Variants in TF observed in about 807,000 individuals in gnomAD.
The protein encoded by TF is serotransferrin.
A neutral mutation model predicts 82.4 loss-of-function variants in TF; 55 were observed. That is an observed-to-expected ratio of 0.67 (90% CI 0.54 to 0.84). The LOEUF is 0.84. TF is among the 40% of genes least tolerant of loss of function. The pLI is 0.00. For synonymous variants in TF, 332 were observed against 332.6 expected (o/e 1.00, Z 0.02); for missense variants, 737 against 868.4 (o/e 0.85, Z 1.90).
At chr3:133,691,482 C>A in the TF span, among the ~76,000 whole-genome samples, 1 of 152,088 alleles carries the variant, frequency 6.6e-6, no homozygotes, top group South Asian at 2.1e-4. Context: ...GAGTTTGTCA[C>A]GTGGTTGATA....
the TF span, among the ~76,000 whole-genome samples, chr3:133,683,005 G>A: frequency 4.6e-5 from 7 of 152,316 alleles, no homozygotes; most frequent in South Asian, 8.3e-4. Flanking sequence ...AGCTGATCTC[G>A]CGGCAGAAAC....
the TF span, among the ~76,000 whole-genome samples, chr3:133,729,735 C>T: frequency 6.6e-6 from 1 of 152,200 alleles, no homozygotes; most frequent in African/African-American, 2.4e-5. Flanking sequence ...ATGCAGAAAT[C>T]ACCCGTCTTC....
the TF span, among the ~76,000 whole-genome samples, chr3:133,728,508 C>A: frequency 1.3e-5 from 2 of 152,144 alleles, no homozygotes; most frequent in South Asian, 4.1e-4. Context: ...GCTCCATCAG[C>A]TCCTTTAAGC....
the TF span, among the ~76,000 whole-genome samples, chr3:133,672,112 T>C: frequency 6.6e-6 from 1 of 152,176 alleles, no homozygotes; most frequent in Non-Finnish European, 1.5e-5. Flanking sequence ...ATTTGAAAAT[T>C]AGATAAAATG....
chr3:133,710,165 T>C, the TF span: 3 of 152,626 alleles, frequency 2.0e-5, no homozygotes, highest in African/African-American at 7.2e-5. Context: ...CAGGGTGGTA[T>C]GGCCGTAGAC....
the TF span, among the ~76,000 whole-genome samples, chr3:133,704,804 G>A: frequency 1.3e-5 from 2 of 152,218 alleles, no homozygotes; most frequent in Non-Finnish European, 2.9e-5. Context: ...GGGGCTGCAA[G>A]GTCATGTTCT....
chr3:133,703,096 A>G, the TF span, among the ~76,000 whole-genome samples: 1 of 152,176 alleles, frequency 6.6e-6, no homozygotes, highest in East Asian at 1.9e-4. Flanking sequence ...CTCAGTGTTT[A>G]TATTTGAGTT....
chr3:133,700,437 G>A, the TF span, among the ~76,000 whole-genome samples: 2 of 152,240 alleles, frequency 1.3e-5, no homozygotes, highest in Admixed American at 6.5e-5. Context: ...ACCGTTTGGT[G>A]TCCCACAGCT....
chr3:133,720,500 G>A, the TF span, among the ~76,000 whole-genome samples: 1 of 152,094 alleles, frequency 6.6e-6, no homozygotes, highest in Non-Finnish European at 1.5e-5. Context: ...GCATTTACTA[G>A]TATCTTCTTG....
At chr3:133,727,853 G>T in the TF span, among the ~76,000 whole-genome samples, 1 of 139,886 alleles carries the variant, frequency 7.1e-6, no homozygotes, top group Admixed American at 7.4e-5. Context: ...CAGGCCTGTG[G>T]TGACAAAATC....
the TF span, among the ~76,000 whole-genome samples, chr3:133,718,487 C>T: frequency 2.0e-5 from 3 of 152,110 alleles, no homozygotes; most frequent in African/African-American, 7.2e-5. Context: ...AGCAGGAGCA[C>T]AGGTCAGTGT....
At chr3:133,685,773 C>T in the TF span, among the ~76,000 whole-genome samples, 224 of 152,226 alleles carry the variant, frequency 1.5e-3, no homozygotes, top group Non-Finnish European at 2.6e-3. Context: ...GGCCATACTG[C>T]CCAAGGTAAT....
the TF span, chr3:133,699,550 T>C: frequency 1.3e-6 from 1 of 789,986 alleles, no homozygotes. Context: ...GCCTGGGTCC[T>C]TTCTCATACT....
chr3:133,671,687 G>A, the TF span, among the ~76,000 whole-genome samples: 2 of 151,862 alleles, frequency 1.3e-5, no homozygotes, highest in Non-Finnish European at 2.9e-5. Context: ...CAGCTACTCA[G>A]GAGGCTGAGC....
At position 133,753,609 on chromosome 3, in the gene TF, T is replaced by C. The variant is rs774454767; in HGVS notation, c.231T>C (p.Asp77=). 5.0e-6 allele frequency: 8 copies of C among 1,614,186 alleles called. No homozygotes were observed. In the South Asian group the frequency reaches 6.6e-5, roughly 13 times the overall value. The change falls in exon 3 of 17, where the codon GAT becomes GAC. Residue 77 remains aspartate, a synonymous_variant. Coordinates refer to ENST00000402696, the MANE Select transcript of TF (RefSeq NM_001063.4). ...CIRAIAANEA[D]AVTLDAGLVY... ...TTCTCTTTCAGGCAAACGAAGCGGATGCTGTGACACTGGATGCAGGTTTGG... is the reference window on the plus strand; with the variant it reads ...TTCTCTTTCAGGCAAACGAAGCGGACGCTGTGACACTGGATGCAGGTTTGG...
the TF span, among the ~76,000 whole-genome samples, chr3:133,693,537 G>A: frequency 1.3e-5 from 2 of 152,220 alleles, no homozygotes; most frequent in Non-Finnish European, 2.9e-5. Context: ...AGGGACCTGA[G>A]AAGGGCTACA....
chr3:133,674,983 G>A, the TF span, among the ~76,000 whole-genome samples: 1 of 152,072 alleles, frequency 6.6e-6, no homozygotes, highest in Non-Finnish European at 1.5e-5. Context: ...CGGTGGCTCA[G>A]GTCTGTAATC....
intron 9 of TF, chr3:133,761,348 C>T (rs8177253): frequency 0.32 from 48,888 of 154,176 alleles, 8,078 homozygotes; most frequent in South Asian, 0.43. Context: ...CCCCAGACTT[C>T]AGTGGATCAG....
the TF span, among the ~76,000 whole-genome samples, chr3:133,676,576 A>G: frequency 1.3e-5 from 2 of 152,112 alleles, no homozygotes; most frequent in African/African-American, 4.8e-5. Context: ...TGAGGGGTGA[A>G]GGGCAGAGCA....
Sources: gnomAD v4.1 joint callset for allele counts (sites outside exome capture counted in the v4.1 genomes callset) on GRCh38, gnomAD v4.1.1 for gene constraint, MANE v1.5 for transcripts, NCBI Gene and HGNC (gene_info 2026-07-23, HGNC 2026-07-21) for gene names.